Variants in PTPRJ observed in about 807,000 individuals in gnomAD.
PTPRJ encodes the protein receptor-type tyrosine-protein phosphatase eta.
A neutral mutation model predicts 141.3 loss-of-function variants in PTPRJ; 129 were observed. The observed-to-expected ratio is 0.91, with a 90% CI of 0.79 to 1.06. The LOEUF is 1.06. Among genes scored for constraint, PTPRJ ranks in the 50% least tolerant of loss-of-function variants. The pLI is 0.00. For synonymous variants in PTPRJ, 610 were observed against 640.5 expected, an observed-to-expected ratio of 0.95 and a Z score of 0.72; for missense variants, 1,601 against 1,679.7, an observed-to-expected ratio of 0.95 and a Z score of 0.82.
intron 1 of PTPRJ, among the ~76,000 whole-genome samples, chr11:48,053,473 TAAAA>T (rs530658915): frequency 8.4e-6 from 1 of 119,272 alleles, no homozygotes; most frequent in African/African-American, 3.3e-5. Flanking sequence ...ATATAATATA[TAAAA>T]AATATATATA....
At chr11:48,126,001 G>A (rs556983405) in intron 6 of PTPRJ, among the ~76,000 whole-genome samples, 1 of 152,278 alleles carries the variant, frequency 6.6e-6, no homozygotes, top group East Asian at 1.9e-4. Flanking sequence ...CGGGTGAGGA[G>A]GGCTTGGATT....
At chr11:48,148,217 TTAAAAA>T (rs1857398432) in intron 15 of PTPRJ, among the ~76,000 whole-genome samples, 1 of 152,196 alleles carries the variant, frequency 6.6e-6, no homozygotes, top group Non-Finnish European at 1.5e-5. Flanking sequence ...TTGTTTCTTG[TTAAAAA>T]TAAGAGTAAT....
At chr11:48,160,417 A>G (rs1027065439) in intron 22 of PTPRJ, among the ~76,000 whole-genome samples, 1 of 152,202 alleles carries the variant, frequency 6.6e-6, no homozygotes, top group Non-Finnish European at 1.5e-5. Flanking sequence ...AGGAGCGGCC[A>G]CTTGCTGTTA....
intron 12 of PTPRJ, among the ~76,000 whole-genome samples, chr11:48,144,236 C>T (rs1356530430): frequency 6.6e-6 from 1 of 152,110 alleles, no homozygotes; most frequent in East Asian, 1.9e-4. Flanking sequence ...GGTCTGTTTC[C>T]AGCTCTTAGT....
rs1857668626 is a variant in PTPRJ at position 48,158,494 on chromosome 11, A to T, written c.3439-1436A>T. Among the ~76,000 whole-genome samples the T allele has an allele frequency of 6.6e-6, 1 of 152,208 alleles. No individual in the cohort carries two copies. The highest frequency in any genetic ancestry group is 2.4e-5 in the African/African-American group (1 of 41,442). On this transcript the variant is annotated intron_variant, in intron 21 of 24. Transcript: ENST00000418331. The surrounding 1 kb of genome is among the most constrained non-coding windows in gnomAD (Gnocchi z 4.4). ...TGGGGAGTTTAAGAACTTGCCCACA[A>T]GGTAGGAACAAAAATATACCTGGTA...
chr11:47,992,205 G>A (rs1272912795), intron 1 of PTPRJ, among the ~76,000 whole-genome samples: 3 of 150,800 alleles, frequency 2.0e-5, no homozygotes, highest in African/African-American at 4.9e-5. Flanking sequence ...ACATAGTCTC[G>A]CCCTGTCACC....
chr11:48,064,941 G>A (rs1565285007), intron 1 of PTPRJ, among the ~76,000 whole-genome samples: 1 of 151,258 alleles, frequency 6.6e-6, no homozygotes, highest in South Asian at 2.1e-4. Flanking sequence ...AATTTAATAG[G>A]GAAACTGAAG....
At chr11:47,985,971 G>A (rs1854041053) in intron 1 of PTPRJ, among the ~76,000 whole-genome samples, 1 of 152,128 alleles carries the variant, frequency 6.6e-6, no homozygotes, top group African/African-American at 2.4e-5. Flanking sequence ...AAAGTGCTGG[G>A]ATTACAGGCC....
At chr11:48,120,933 A>G (rs1210369943) in intron 3 of PTPRJ, 70 bp from the exon 4 acceptor site, 5 of 1,372,790 alleles carry the variant, frequency 3.6e-6, no homozygotes, top group East Asian at 2.5e-5. Flanking sequence ...AACTAGACAT[A>G]TAGAGCAGAC....
At chr11:48,154,416 A>G (rs924005120) in intron 19 of PTPRJ, among the ~76,000 whole-genome samples, 3 of 152,274 alleles carry the variant, frequency 2.0e-5, no homozygotes, top group African/African-American at 4.8e-5. Context: ...AGAATTAACA[A>G]TGTCTGCATC....
chr11:48,080,611 G>T (rs184708849), intron 1 of PTPRJ, among the ~76,000 whole-genome samples: 1 of 152,338 alleles, frequency 6.6e-6, no homozygotes, highest in Non-Finnish European at 1.5e-5. Flanking sequence ...AGTCAGAAGG[G>T]TGTTGGGTTG....
intron 24 of PTPRJ, among the ~76,000 whole-genome samples, chr11:48,165,757 G>A (rs1185662817): frequency 6.6e-6 from 1 of 151,974 alleles, no homozygotes; most frequent in Non-Finnish European, 1.5e-5. Context: ...ATCCTTTTTT[G>A]AGAAACATAG....
rs372502752 is a variant in PTPRJ at position 48,170,094 on chromosome 11, T to A, written c.*2732T>A. On this transcript the variant is annotated 3_prime_UTR_variant, in exon 25 of 25. Coordinates refer to ENST00000418331, the MANE Select transcript of PTPRJ (RefSeq NM_002843.4). ...GAACAATGAGCTCAAATTGGAAGAG[T>A]CCAGTGGAATCGGGGGGATGGTGTG... The A allele has an allele frequency of 6.6e-6, 1 of 151,572 alleles. No homozygotes were observed. The highest frequency in any genetic ancestry group is 6.6e-5 in the Admixed American group (1 of 15,222). The allele number at this position is 151,572 out of a possible 1,614,324, so 9.4% of individuals were successfully genotyped here.
intron 6 of PTPRJ, 32 bp from the exon 7 acceptor site, chr11:48,127,748 G>T: frequency 6.2e-7 from 1 of 1,606,742 alleles, no homozygotes; most frequent in Non-Finnish European, 8.5e-7. Flanking sequence ...TGGCCGTTCT[G>T]GTTATTTTGA....
intron 1 of PTPRJ, among the ~76,000 whole-genome samples, chr11:47,996,440 C>T (rs1046545795): frequency 1.3e-5 from 2 of 152,042 alleles, no homozygotes; most frequent in African/African-American, 4.8e-5. Context: ...GCTGTGTGAC[C>T]CTGCTATCTG....
intron 8 of PTPRJ, among the ~76,000 whole-genome samples, chr11:48,135,036 T>C (rs1014081767): frequency 6.6e-6 from 1 of 152,184 alleles, no homozygotes; most frequent in African/African-American, 2.4e-5. Context: ...TATTGAGATA[T>C]AATATACATA....
At chr11:47,983,774 A>G (rs936135408) in intron 1 of PTPRJ, among the ~76,000 whole-genome samples, 1 of 152,162 alleles carries the variant, frequency 6.6e-6, no homozygotes, top group African/African-American at 2.4e-5. Context: ...TTAAGAAATC[A>G]GCTTGATGTG....
intron 1 of PTPRJ, among the ~76,000 whole-genome samples, chr11:48,027,891 CA>C (rs1853867904): frequency 6.6e-6 from 1 of 151,500 alleles, no homozygotes; most frequent in Non-Finnish European, 1.5e-5. Context: ...TCTTTTTCCC[CA>C]CAAAACTGCT....
rs35405916 is a variant in PTPRJ, at chr11:48,069,445, A to ATTTTTTTTTTTTTTTTTTT, written c.97-40610_97-40592dup. ...GGCTGTGATAAAAACTACATTGATA[A>ATTTTTTTTTTTTTTTTTTT]TTTTTTTTTTTTTTTTTTTTTGGAG... On this transcript the variant is annotated intron_variant, in intron 1 of 24. Transcript: ENST00000418331. Among the ~76,000 whole-genome samples, 3 of 121,322 alleles carry ATTTTTTTTTTTTTTTTTTT rather than the reference A, an allele frequency of 2.5e-5. 1 individual carries two copies. The highest frequency in any genetic ancestry group is 3.4e-5 in the Non-Finnish European group (2 of 59,588). 79.6% of individuals were successfully genotyped at this position (121,322 alleles called of 152,430 possible).
Sources: gnomAD v4.1 joint callset for allele counts (sites outside exome capture counted in the v4.1 genomes callset) on GRCh38, gnomAD v4.1.1 for gene constraint, Gnocchi (gnomAD v3.1) non-coding constraint, MANE v1.5 for transcripts, NCBI Gene and HGNC (gene_info 2026-07-23, HGNC 2026-07-21) for gene names.